Variants in DMD observed in about 807,000 individuals in gnomAD.
DMD encodes the protein mutant dystrophin.
Under a neutral mutation model 330.1 loss-of-function variants are expected in DMD, and 63 were observed. That is an observed-to-expected ratio of 0.19 (90% CI 0.16 to 0.24). The LOEUF (loss-of-function observed/expected upper bound fraction) is 0.24. Among genes scored for constraint, DMD ranks in the 10% least tolerant of loss-of-function variants. The pLI is 1.00. For missense variants in DMD, 3,344 were observed against 2,684.1 expected (o/e 1.25, Z -5.43); for synonymous variants, 1,223 against 959.8 (o/e 1.27, Z -5.07).
At chrX:33,000,497 G>C (rs778742174) in intron 2 of DMD, among the ~76,000 whole-genome samples, 3 of 111,873 alleles carry the variant, frequency 2.7e-5, no homozygotes, top group African/African-American at 9.7e-5. Context: ...TGACCCATGG[G>C]ATGTTGGTGG....
At chrX:31,131,323 A>G (rs1480046833) in intron 77 of DMD, among the ~76,000 whole-genome samples, 1 of 112,155 alleles carries the variant, frequency 8.9e-6, no homozygotes, top group Non-Finnish European at 1.9e-5. Flanking sequence ...AAATAGAAAA[A>G]CAGCATGCAC....
intron 47 of DMD, among the ~76,000 whole-genome samples, chrX:31,925,041 C>T (rs1391869783): frequency 8.9e-6 from 1 of 112,067 alleles, no homozygotes; most frequent in Non-Finnish European, 1.9e-5. Context: ...AATTCTGAAA[C>T]AACATAAACA....
At chrX:33,131,906 T>C (rs1249034645) in intron 1 of DMD, among the ~76,000 whole-genome samples, 1 of 112,214 alleles carries the variant, frequency 8.9e-6, no homozygotes, top group Non-Finnish European at 1.9e-5. Flanking sequence ...ATTTAATATA[T>C]GCCCAGGGTA....
intron 1 of DMD, among the ~76,000 whole-genome samples, chrX:33,148,102 T>A (rs12559506): frequency 0.081 from 9,017 of 111,944 alleles, 395 homozygotes; most frequent in South Asian, 0.2. Flanking sequence ...GAAGGAACGC[T>A]GCTAATCTTG....
At chrX:32,317,601 T>A (rs1041078681) in intron 41 of DMD, among the ~76,000 whole-genome samples, 1 of 111,613 alleles carries the variant, frequency 9.0e-6, no homozygotes, top group African/African-American at 3.2e-5. Flanking sequence ...TTTTCCTCCA[T>A]GATTTAAAAG....
At chrX:32,128,370 A>T (rs1421722793) in intron 44 of DMD, among the ~76,000 whole-genome samples, 2 of 112,106 alleles carry the variant, frequency 1.8e-5, no homozygotes, top group African/African-American at 6.5e-5. Flanking sequence ...TTTCCTTTAC[A>T]TGCCTCTAAT....
intron 43 of DMD, among the ~76,000 whole-genome samples, chrX:32,232,561 G>A (rs918432763): frequency 2.4e-4 from 27 of 111,762 alleles, no homozygotes; most frequent in African/African-American, 8.4e-4. Flanking sequence ...CTAAGTCAAA[G>A]AAAATGTCAT....
intron 7 of DMD, among the ~76,000 whole-genome samples, chrX:32,720,388 T>C (rs1476994736): frequency 2.7e-5 from 3 of 111,702 alleles, no homozygotes; most frequent in Non-Finnish European, 5.7e-5. Flanking sequence ...TTCTATTACT[T>C]ACATTTTCTT....
chrX:31,770,175 T>G (rs1290527169), intron 51 of DMD, among the ~76,000 whole-genome samples: 1 of 112,654 alleles, frequency 8.9e-6, no homozygotes, highest in East Asian at 2.8e-4. Context: ...ATTTACTTTC[T>G]GCCTGATTTA....
chrX:31,585,170 A>T (rs1271782916), intron 55 of DMD, among the ~76,000 whole-genome samples: 1 of 108,141 alleles, frequency 9.2e-6, no homozygotes, highest in Non-Finnish European at 1.9e-5. Context: ...AAAAATACAA[A>T]AAATTAGCTG....
At chrX:33,014,964 G>A (rs965681338) in intron 2 of DMD, among the ~76,000 whole-genome samples, 4 of 111,307 alleles carry the variant, frequency 3.6e-5, no homozygotes, top group East Asian at 5.7e-4. Context: ...TGGATATAAC[G>A]TTTTCTCCTA....
At chrX:31,582,985 C>T (rs2076407617) in intron 55 of DMD, among the ~76,000 whole-genome samples, 1 of 112,072 alleles carries the variant, frequency 8.9e-6, no homozygotes, top group African/African-American at 3.2e-5. Context: ...AGAATAGAGG[C>T]AGTAGGGGAT....
At chrX:31,944,378 T>C (rs1380286955) in intron 45 of DMD, among the ~76,000 whole-genome samples, 1 of 112,361 alleles carries the variant, frequency 8.9e-6, no homozygotes, top group Non-Finnish European at 1.9e-5. Flanking sequence ...CACTATATTG[T>C]TTCTGTTGTA....
At chrX:32,589,615 G>A (rs1023583692) in intron 13 of DMD, among the ~76,000 whole-genome samples, 4 of 110,758 alleles carry the variant, frequency 3.6e-5, no homozygotes, top group Admixed American at 2.9e-4. Context: ...TATATCTATA[G>A]ATGGGAAGTC....
At chrX:31,837,784 T>C (rs1011496825) in intron 48 of DMD, among the ~76,000 whole-genome samples, 8 of 111,989 alleles carry the variant, frequency 7.1e-5, no homozygotes, top group African/African-American at 2.6e-4. Flanking sequence ...AGTTCATTAG[T>C]AGGAAATCCC....
intron 19 of DMD, among the ~76,000 whole-genome samples, chrX:32,493,285 A>G (rs182615425): frequency 1.4e-4 from 16 of 112,179 alleles, no homozygotes; most frequent in African/African-American, 5.2e-4. Context: ...TAACTTCACT[A>G]ATTTCAAAGC....
chrX:31,973,620 G>T (rs2095415638), intron 44 of DMD, among the ~76,000 whole-genome samples: 1 of 111,201 alleles, frequency 9.0e-6, no homozygotes, highest in African/African-American at 3.3e-5. Context: ...CAGTAAAACT[G>T]AGTAACTTTC....
At chrX:31,658,238 A>C (rs1326742068) in intron 53 of DMD, 94 bp from the exon 54 acceptor site, 2 of 963,067 alleles carry the variant, frequency 2.1e-6, no homozygotes, top group Non-Finnish European at 3.0e-6. Context: ...CAGCTTCTGA[A>C]TCCTCAGGTC....
chrX:31,281,305 C>T (rs927565286), intron 62 of DMD, among the ~76,000 whole-genome samples: 1 of 111,572 alleles, frequency 9.0e-6, no homozygotes, highest in African/African-American at 3.3e-5. Context: ...CAAAAGAGAA[C>T]TTGAAAAATG....
Sources: gnomAD v4.1 joint callset for allele counts (sites outside exome capture counted in the v4.1 genomes callset) on GRCh38, gnomAD v4.1.1 for gene constraint, MANE v1.5 for transcripts, NCBI Gene and HGNC (gene_info 2026-07-23, HGNC 2026-07-21) for gene names.